PDGFC: variants seen among roughly 807,000 people sequenced by gnomAD.
The protein encoded by PDGFC is platelet-derived growth factor C.
Under a neutral mutation model 35.5 loss-of-function variants are expected in PDGFC, and 12 were observed. That is an observed-to-expected ratio of 0.34 (90% CI 0.22 to 0.55). The LOEUF (loss-of-function observed/expected upper bound fraction) is 0.55. PDGFC is among the 20% of genes least tolerant of loss of function. PDGFC has a pLI of 0.91. For missense variants in PDGFC, 322 were observed against 412.4 expected (o/e 0.78, Z 1.90); for synonymous variants, 159 against 148.8 (o/e 1.07, Z -0.50).
In PDGFC at chr4:156,767,902, CTT is replaced by C; in HGVS notation, c.790_791del (p.Lys264GlufsTer14). 6.2e-7 allele frequency: 1 copy of C among 1,613,150 alleles called. No individual in the cohort carries two copies. The highest frequency in any genetic ancestry group is 8.5e-7 in the Non-Finnish European group (1 of 1,179,220). ...NFSVSIREEL[K>X]RTDTIFWPGC... ...CTGGCCAGAAAATGGTATCGGTTCT[CTT>C]TAGTTCTTCCCTTATGGACACTGAG... On this transcript the variant is annotated frameshift_variant, in exon 5 of 6. Transcript: ENST00000502773. LOFTEE classifies it high-confidence loss of function.
intron 1 of PDGFC, among the ~76,000 whole-genome samples, chr4:156,895,367 G>A (rs568156667): frequency 6.6e-6 from 1 of 152,268 alleles, no homozygotes; most frequent in East Asian, 1.9e-4. Context: ...GGGAGCAGTG[G>A]CTCATACCTG....
In PDGFC at chr4:156,830,715, A is replaced by G. The variant is rs186723899; in HGVS notation, c.314+19506T>C. The stretch of plus-strand genomic sequence containing the variant: ...ATTTCATTGGATATTCTTAAAAACT[A>G]TCTAATGGTGGCTTTCAAAATATCG... On this transcript the variant is annotated intron_variant, in intron 2 of 5. Transcript: ENST00000502773. Among the ~76,000 whole-genome samples, 384 of 152,352 alleles carry G rather than the reference A, an allele frequency of 2.5e-3. 3 individuals are homozygous for G. Among genetic ancestry groups the G allele is most frequent in the Non-Finnish European group, 2.3e-3 (159 of 68,038 alleles).
At chr4:156,962,668 G>A (rs921930680) in intron 1 of PDGFC, among the ~76,000 whole-genome samples, 2 of 152,164 alleles carry the variant, frequency 1.3e-5, no homozygotes, top group Non-Finnish European at 2.9e-5. Flanking sequence ...TGAAGGAAGA[G>A]GCACGTGGCT....
chr4:156,770,119 A>T (rs1730653878), intron 4 of PDGFC: 1 of 152,082 alleles, frequency 6.6e-6, no homozygotes, highest in South Asian at 2.1e-4. Context: ...TAGTTGTGAT[A>T]CCTGCTACAA....
chr4:156,855,330 T>C (rs1477070276), intron 1 of PDGFC, among the ~76,000 whole-genome samples: 1 of 152,212 alleles, frequency 6.6e-6, no homozygotes, highest in Non-Finnish European at 1.5e-5. Context: ...AGGAAGTTTC[T>C]GGATAATATG....
intron 1 of PDGFC, among the ~76,000 whole-genome samples, chr4:156,891,447 G>T (rs962602653): frequency 6.6e-6 from 1 of 152,040 alleles, no homozygotes; most frequent in East Asian, 1.9e-4. Context: ...GTAAAAATGT[G>T]AACTAAATTT....
At chr4:156,801,298 T>C (rs556488958) in intron 3 of PDGFC, among the ~76,000 whole-genome samples, 83 of 152,248 alleles carry the variant, frequency 5.5e-4, no homozygotes, top group Non-Finnish European at 8.8e-4. Context: ...CCTCTGAATT[T>C]TGGGGAGGCT....
At chr4:156,766,470 C>T (rs914324587) in intron 5 of PDGFC, among the ~76,000 whole-genome samples, 12 of 152,088 alleles carry the variant, frequency 7.9e-5, no homozygotes, top group Admixed American at 7.9e-4. Context: ...TATATCCCAT[C>T]TCCTCCTCCA....
chr4:156,887,916 T>A (rs1409132891), intron 1 of PDGFC, among the ~76,000 whole-genome samples: 1 of 150,166 alleles, frequency 6.7e-6, no homozygotes, highest in Non-Finnish European at 1.5e-5. Context: ...GGTGGGAGAA[T>A]CGCTTGAGCC....
intron 2 of PDGFC, among the ~76,000 whole-genome samples, chr4:156,830,049 T>C (rs1728890418): frequency 6.6e-6 from 1 of 152,142 alleles, no homozygotes; most frequent in Admixed American, 6.5e-5. Context: ...TGTTAATTGT[T>C]ACACATATAA....
At chr4:156,959,144 T>C (rs1732279454) in intron 1 of PDGFC, among the ~76,000 whole-genome samples, 1 of 152,202 alleles carries the variant, frequency 6.6e-6, no homozygotes, top group East Asian at 1.9e-4. Flanking sequence ...CCTGAGTTTC[T>C]AGCCATTTTT....
chr4:156,924,328 C>G (rs762443106), intron 1 of PDGFC, among the ~76,000 whole-genome samples: 4 of 152,080 alleles, frequency 2.6e-5, no homozygotes, highest in Non-Finnish European at 4.4e-5. Context: ...TTCTTGAACA[C>G]CTGTAATATA....
intron 1 of PDGFC, among the ~76,000 whole-genome samples, chr4:156,963,919 A>G (rs1237814438): frequency 6.6e-6 from 1 of 151,946 alleles, no homozygotes; most frequent in East Asian, 1.9e-4. Context: ...AGGTAAATTA[A>G]TAATATTTTA....
chr4:156,922,917 C>T (rs1731321184), intron 1 of PDGFC, among the ~76,000 whole-genome samples: 1 of 152,184 alleles, frequency 6.6e-6, no homozygotes, highest in South Asian at 2.1e-4. Flanking sequence ...CTGACCACTA[C>T]TGCCCTGATA....
chr4:156,892,779 T>G (rs189215998), intron 1 of PDGFC, among the ~76,000 whole-genome samples: 6 of 152,260 alleles, frequency 3.9e-5, no homozygotes, highest in African/African-American at 1.4e-4. Context: ...CATAAGCATG[T>G]TGAACCACAG....
intron 1 of PDGFC, among the ~76,000 whole-genome samples, 183 bp downstream of exon 1, chr4:156,970,603 C>T (rs1732568091): frequency 6.6e-6 from 1 of 152,192 alleles, no homozygotes; most frequent in Non-Finnish European, 1.5e-5. Context: ...TGTGGCAGCT[C>T]CCGAAGTTGC....
chr4:156,838,486 A>T (rs1729120636), intron 2 of PDGFC, among the ~76,000 whole-genome samples: 2 of 152,094 alleles, frequency 1.3e-5, no homozygotes, highest in African/African-American at 2.4e-5. Context: ...AGTGCTAAAT[A>T]CCTTGACACT....
At chr4:156,822,356 CAAAAA>C (rs397878245) in intron 2 of PDGFC, among the ~76,000 whole-genome samples, 2 of 70,288 alleles carry the variant, frequency 2.8e-5, no homozygotes, top group African/African-American at 8.1e-5. Flanking sequence ...GAAACTGTCT[CAAAAA>C]AAAAAAAAAA....
chr4:156,879,076 T>G (rs868845611), intron 1 of PDGFC, among the ~76,000 whole-genome samples: 7 of 152,318 alleles, frequency 4.6e-5, no homozygotes, highest in African/African-American at 1.4e-4. Context: ...TACTGTCAGT[T>G]GTCTTATGAG....
Sources: gnomAD v4.1 joint callset for allele counts (sites outside exome capture counted in the v4.1 genomes callset) on GRCh38, gnomAD v4.1.1 for gene constraint, MANE v1.5 for transcripts, NCBI Gene and HGNC (gene_info 2026-07-23, HGNC 2026-07-21) for gene names.